Variants in CHD2 observed in about 807,000 individuals in gnomAD.
CHD2 encodes ATP-dependent chromatin remodeler CHD2.
Under a neutral mutation model 243.9 loss-of-function variants are expected in CHD2, and 28 were observed. The ratio of observed to expected loss-of-function variants is 0.11; its 90% CI spans 0.09 to 0.16. The LOEUF is 0.16. CHD2 is among the 10% of genes least tolerant of loss of function. CHD2 has a pLI of 1.00. For synonymous variants in CHD2, 775 were observed against 779.0 expected (o/e 0.99, Z 0.09); for missense variants, 1,386 against 2,209.8 (o/e 0.63, Z 7.47).
intron 2 of CHD2, among the ~76,000 whole-genome samples, chr15:92,908,265 G>T (rs1404767381): frequency 6.6e-6 from 1 of 152,086 alleles, no homozygotes; most frequent in Non-Finnish European, 1.5e-5. Flanking sequence ...TGTAACAGCA[G>T]TAATATTTAC....
rs2054570375 is a variant in CHD2, at chr15:93,024,548, T to C, written c.5330T>C (p.Leu1777Pro). The C allele has an allele frequency of 1.9e-6, 3 of 1,614,056 alleles. No individual in the cohort carries two copies. The highest frequency in any genetic ancestry group is 1.3e-5 in the African/African-American group (1 of 74,912). Residue 1777 changes from leucine (L) to proline (P), a missense_variant, in exon 39 of 39, where the codon CTA (leucine) becomes CCA (proline). Physicochemically the swap from Leu to Pro is moderately conservative, Grantham distance 98 (BLOSUM62 -3). Around this residue, in one of 19 missense-constraint regions of CHD2, gnomAD observed 347 missense variants for 341.6 expected, o/e 1.02. Transcript: ENST00000394196. The stretch of plus-strand genomic sequence containing the variant: ...AAACTGGGGGAATATAAACAGCCTC[T>C]ACCCCCATTGCACCCTGCAGTCTCA... ...TDKLGEYKQP[L>P]PPLHPAVSDP... is the part of the protein sequence containing the mutation.
chr15:92,990,864 G>C (rs1389035314), intron 26 of CHD2, among the ~76,000 whole-genome samples: 2 of 152,176 alleles, frequency 1.3e-5, no homozygotes, highest in Non-Finnish European at 2.9e-5. Flanking sequence ...TTGGTATGTA[G>C]CATAGTTTAG....
At position 93,009,208 on chromosome 15, in the gene CHD2, C is replaced by T. The variant is rs773117995; in HGVS notation, c.4477C>T (p.Leu1493Phe). The T allele has an allele frequency of 1.2e-6, 2 of 1,614,200 alleles. No homozygotes were observed. Among genetic ancestry groups the T allele is most frequent in the Non-Finnish European group, 1.7e-6 (2 of 1,180,038 alleles). Residue 1493 changes from leucine (L) to phenylalanine (F), a missense_variant, in exon 35 of 39, where the codon CTC becomes TTC. Physicochemically the swap from Leu to Phe is conservative, Grantham distance 22. Transcript: ENST00000394196. ...LKQLDKPDKG[L>F]NVQEQLEHTR... Reference sequence around the variant, plus strand: ...ACAGCTCGACAAACCTGACAAGGGGCTCAACGTGCAAGAACAGCTGGAACA... The same window carrying T: ...ACAGCTCGACAAACCTGACAAGGGGTTCAACGTGCAAGAACAGCTGGAACA...
At chr15:92,982,594 G>A (rs2053993556) in intron 24 of CHD2, among the ~76,000 whole-genome samples, 2 of 152,214 alleles carry the variant, frequency 1.3e-5, no homozygotes, top group African/African-American at 4.8e-5. Flanking sequence ...TTGACCATGG[G>A]TTGATTCCAT....
Position 92,997,589 on chromosome 15 carries a change from C to T in CHD2, c.3885+186C>T. 2.1e-6 allele frequency: 1 copy of T among 482,664 alleles called. No individual in the cohort carries two copies. Among genetic ancestry groups the T allele is most frequent in the Non-Finnish European group, 3.4e-6 (1 of 298,150 alleles). The allele number at this position is 482,664 out of a possible 1,614,324, so 29.9% of individuals were successfully genotyped here. ...CACGGATGAAGATAAAGGGAAAAGA[C>T]AGTAGCCAGGTGAAATTTTGGGGAA... On this transcript the variant is annotated intron_variant, in intron 30 of 38. Transcript: ENST00000394196. The surrounding 1 kb of genome is among the most constrained non-coding windows in gnomAD (Gnocchi z 4.1).
intron 16 of CHD2, among the ~76,000 whole-genome samples, chr15:92,964,923 A>G (rs370411786): frequency 6.6e-6 from 1 of 152,154 alleles, no homozygotes; most frequent in Admixed American, 6.5e-5. Flanking sequence ...GTCTAGGCCA[A>G]TCTCTTAATT....
intron 4 of CHD2, among the ~76,000 whole-genome samples, 162 bp from the exon 5 acceptor site, chr15:92,928,868 A>G (rs888835836): frequency 6.6e-6 from 1 of 152,230 alleles, no homozygotes; most frequent in African/African-American, 2.4e-5. Flanking sequence ...TCAAATCAAA[A>G]GAAGAGGGAG....
At chr15:93,023,276 A>C (rs916677340) in intron 38 of CHD2, among the ~76,000 whole-genome samples, 1 of 152,240 alleles carries the variant, frequency 6.6e-6, no homozygotes, top group Admixed American at 6.5e-5. Context: ...AGAGTCATAC[A>C]ATATGTGACC....
intron 2 of CHD2, chr15:92,921,264 A>G (rs966299294): frequency 1.3e-5 from 2 of 152,234 alleles, no homozygotes; most frequent in Non-Finnish European, 2.9e-5. Flanking sequence ...GCTAGAGGGG[A>G]GCAATGCTAG....
intron 3 of CHD2, among the ~76,000 whole-genome samples, chr15:92,926,343 C>T (rs2053061392): frequency 1.3e-5 from 2 of 152,296 alleles, no homozygotes; most frequent in Non-Finnish European, 2.9e-5. Flanking sequence ...TCCAAATATT[C>T]TCATGACGTT....
In CHD2 at chr15:92,944,479, T is replaced by C; in HGVS notation, c.1117T>C (p.Leu373=). Residue 373 remains leucine, a synonymous_variant, in exon 10 of 39, where the codon TTG becomes CTG. Transcript: ENST00000394196. ...TTGCCAACAGGAGCTGGCTTCAGAG[T>C]TGAATAAACAGTATCAGATAGTAGA... ...FNCQQELASE[L]NKQYQIVERV... 1 of 1,609,380 alleles carries C rather than the reference T, an allele frequency of 6.2e-7. No homozygotes were observed. Among genetic ancestry groups the C allele is most frequent in the Non-Finnish European group, 8.5e-7 (1 of 1,176,308 alleles).
At chr15:93,000,006 C>A (rs1163944086) in intron 31 of CHD2, among the ~76,000 whole-genome samples, 1 of 152,124 alleles carries the variant, frequency 6.6e-6, no homozygotes, top group Admixed American at 6.5e-5. Context: ...CACCTGTAAT[C>A]CCAGCACTTT....
Position 92,937,666 on chromosome 15 carries a change from A to G in CHD2, c.551+41A>G, listed in dbSNP as rs753080362. 3 of 1,413,464 alleles carry G rather than the reference A, an allele frequency of 2.1e-6. No homozygotes were observed. The East Asian group carries it at 6.8e-5, about 32-fold the overall frequency. The allele number at this position is 1,413,464 out of a possible 1,614,324, so 87.6% of individuals were successfully genotyped here. ...AAGATCTCTACTTGGGATGAGCTTA[A>G]TCTGCTGTAGATTGGGAAGGATAAT... On this transcript the variant is annotated intron_variant, in intron 6 of 38. Transcript: ENST00000394196.
intron 26 of CHD2, chr15:92,991,222 C>A: frequency 2.7e-6 from 1 of 372,230 alleles, no homozygotes; most frequent in Non-Finnish European, 4.8e-6. Flanking sequence ...AGCATGTTAT[C>A]TAAGCAGGTT....
At chr15:93,003,727 T>C (rs2054286507) in intron 33 of CHD2, among the ~76,000 whole-genome samples, 1 of 152,162 alleles carries the variant, frequency 6.6e-6, no homozygotes. Flanking sequence ...ACCACTACTG[T>C]GAAGTGGGTC....
rs975921030 is a variant in CHD2 at position 92,979,120 on chromosome 15, T to C, written c.2728-15T>C. 1.9e-6 allele frequency: 3 copies of C among 1,613,414 alleles called. No homozygotes were observed. The highest frequency in any genetic ancestry group is 2.5e-6 in the Non-Finnish European group (3 of 1,179,624). On this transcript the variant is annotated splice_polypyrimidine_tract_variant and intron_variant, in intron 21 of 38. Coordinates refer to ENST00000394196, the MANE Select transcript of CHD2 (RefSeq NM_001271.4). Reference sequence around the variant, plus strand: ...GGTGGTTCAGGCATAAGCATAACAGTTCCTTTTCCTACAGGTAAATATTTA... The same window carrying C: ...GGTGGTTCAGGCATAAGCATAACAGCTCCTTTTCCTACAGGTAAATATTTA...
chr15:92,931,952 T>TC (rs1418793406), intron 5 of CHD2, among the ~76,000 whole-genome samples: 1 of 148,566 alleles, frequency 6.7e-6, no homozygotes, highest in Non-Finnish European at 1.5e-5. Flanking sequence ...AGCCTCCGCC[T>TC]CCGGGGTTCA....
chr15:92,939,306 G>A (rs1567133587), intron 6 of CHD2, among the ~76,000 whole-genome samples: 1 of 152,084 alleles, frequency 6.6e-6, no homozygotes, highest in Non-Finnish European at 1.5e-5. Context: ...TTTATATCAG[G>A]TAATCCTGAT....
chr15:93,014,032 T>C (rs1442799687), intron 36 of CHD2, among the ~76,000 whole-genome samples: 1 of 151,870 alleles, frequency 6.6e-6, no homozygotes, highest in Admixed American at 6.6e-5. Context: ...AAACATAATA[T>C]TGTAGAAATA....
Sources: gnomAD v4.1 joint callset for allele counts (sites outside exome capture counted in the v4.1 genomes callset) on GRCh38, gnomAD v4.1.1 for gene constraint, gnomAD v4.1.1 regional missense constraint, Gnocchi (gnomAD v3.1) non-coding constraint, MANE v1.5 for transcripts, NCBI Gene and HGNC (gene_info 2026-07-23, HGNC 2026-07-21) for gene names.